The following TGS1 variants were observed in gnomAD, a reference collection of about 807,000 sequenced individuals.
TGS1 encodes the protein trimethylguanosine synthase 1.
A neutral mutation model predicts 92.2 loss-of-function variants in TGS1; 69 were observed. The ratio of observed to expected loss-of-function variants is 0.75; its 90% CI spans 0.62 to 0.91. The LOEUF (loss-of-function observed/expected upper bound fraction) is 0.91, where lower values mean the gene tolerates loss of function less well. Among genes scored for constraint, TGS1 ranks in the 40% least tolerant of loss-of-function variants. The pLI is 0.00. For synonymous variants in TGS1, 345 were observed against 338.1 expected, an observed-to-expected ratio of 1.02 and a Z score of -0.22; for missense variants, 1,062 against 1,001.2, an observed-to-expected ratio of 1.06 and a Z score of -0.82.
intron 2 of TGS1, among the ~76,000 whole-genome samples, chr8:55,783,813 G>A (rs1479722676): frequency 1.3e-5 from 2 of 152,212 alleles, no homozygotes; most frequent in Non-Finnish European, 2.9e-5. Context: ...TCACTGGATG[G>A]AATGTTTGGT....
Position 55,786,453 on chromosome 8 carries a change from A to C in TGS1, c.555A>C (p.Glu185Asp). ...CTGAGACAGAAAATCCTCCAGTTGA[A>C]AACACATTATCTCCAAAGCTAGAAA... Reference protein sequence around the residue: ...KDTETENPPVENTLSPKLEIT... With the variant: ...KDTETENPPVDNTLSPKLEIT... The change falls in exon 4 of 13, where the codon GAA (glutamate) becomes GAC (aspartate). Residue 185 changes from glutamate to aspartate, a missense_variant. Transcript: ENST00000260129. 2 of 1,614,010 alleles carry C rather than the reference A, an allele frequency of 1.2e-6. No homozygotes were observed. Among genetic ancestry groups the C allele is most frequent in the South Asian group, 2.2e-5 (2 of 91,016 alleles).
chr8:55,784,875 CT>C (rs1811663839), intron 2 of TGS1, among the ~76,000 whole-genome samples: 1 of 152,186 alleles, frequency 6.6e-6, no homozygotes, highest in Non-Finnish European at 1.5e-5. Flanking sequence ...CCTGTTCTGT[CT>C]TCCTTCCATC....
At chr8:55,775,571 T>G (rs1811373047) in intron 1 of TGS1, among the ~76,000 whole-genome samples, 1 of 152,076 alleles carries the variant, frequency 6.6e-6, no homozygotes, top group Non-Finnish European at 1.5e-5. Flanking sequence ...TATTGCTGCC[T>G]TTCACTGAGG....
At position 55,803,130 on chromosome 8, in the gene TGS1, G is replaced by GGTGT. The variant is rs1554562881; in HGVS notation, c.1999+541_1999+544dup. ...TATAGGATGCCCTTCAATTTGGGGG[G>GGTGT]GTGTGTGTGTGTGTGTGTGTATTTT... On this transcript the variant is annotated intron_variant, in intron 9 of 12. Transcript: ENST00000260129. Among the ~76,000 whole-genome samples, 72 of 143,676 alleles carry GGTGT rather than the reference G, an allele frequency of 5.0e-4. 1 individual carries two copies. The East Asian group carries it at 7.5e-3, about 15-fold the overall frequency. The allele number at this position is 143,676 out of a possible 152,430, so 94.3% of individuals were successfully genotyped here.
At chr8:55,813,160 C>A (rs185093563) in intron 12 of TGS1, 42 bp downstream of exon 12, 67,767 of 1,372,712 alleles carry the variant, frequency 0.049, 1,891 homozygotes, top group East Asian at 0.096. Flanking sequence ...TCTGTCTTAA[C>A]TGTTACAAGT....
rs1170040871 is a variant in TGS1 at position 55,786,348 on chromosome 8, C to T, written c.450C>T (p.Asp150=). 6.2e-7 allele frequency: 1 copy of T among 1,612,702 alleles called. No homozygotes were observed. The highest frequency in any genetic ancestry group is 8.5e-7 in the Non-Finnish European group (1 of 1,179,346). The change falls in exon 4 of 13, where the codon GAC becomes GAT. Residue 150 remains aspartate (D), a synonymous_variant. Coordinates refer to ENST00000260129, the MANE Select transcript of TGS1 (RefSeq NM_024831.8). ...GGAGAAAAGAATATGAAGAAGACGACATTTTGGCTTCAGATGATCCATCTT... is the reference window on the plus strand; with the variant it reads ...GGAGAAAAGAATATGAAGAAGACGATATTTTGGCTTCAGATGATCCATCTT... ...ESWRKEYEED[D]ILASDDPSSI... is the part of the protein sequence containing the mutation.
At chr8:55,811,248 A>G in intron 11 of TGS1, 151 bp downstream of exon 11, 1 of 663,674 alleles carries the variant, frequency 1.5e-6, no homozygotes, top group South Asian at 2.0e-5. Flanking sequence ...GGATCACCTG[A>G]GGTCAGGAGT....
Position 55,799,091 on chromosome 8 carries a change from CAG to C in TGS1, c.1723_1724del (p.Ser575ArgfsTer6). 1 of 1,614,146 alleles carries C rather than the reference CAG, an allele frequency of 6.2e-7. No individual in the cohort carries two copies. The highest frequency in any genetic ancestry group is 8.5e-7 in the Non-Finnish European group (1 of 1,180,024). On this transcript the variant is annotated frameshift_variant, in exon 8 of 13. Coordinates refer to ENST00000260129, the MANE Select transcript of TGS1 (RefSeq NM_024831.8). LOFTEE classifies it high-confidence loss of function. Reference protein sequence around the residue: ...ETNNPEPEKCQSVSSAGELET... With the variant: ...ETNNPEPEKCXSVSSAGELET... ...TAATAATCCAGAACCTGAAAAGTGT[CAG>C]AGCGTATCTTCAGCTGGTGAACTTG...
chr8:55,779,708 T>A (rs1811506761), intron 1 of TGS1, among the ~76,000 whole-genome samples: 1 of 152,100 alleles, frequency 6.6e-6, no homozygotes, highest in African/African-American at 2.4e-5. Flanking sequence ...TTGAGAAGAT[T>A]TCTCAACTCA....
chr8:55,826,082 C>G lies in TGS1; in HGVS notation c.*1379C>G, dbSNP rs999093328. On this transcript the variant is annotated 3_prime_UTR_variant, in exon 13 of 13. Transcript: ENST00000260129. ...AGCCAGGATGGTCTCGATCTCCTGA[C>G]CTTGTGATCCAACCACCTCAGCCTC... Among the ~76,000 whole-genome samples, 2 of 152,004 alleles carry G rather than the reference C, an allele frequency of 1.3e-5. No homozygotes were observed. The highest frequency in any genetic ancestry group is 4.8e-5 in the African/African-American group (2 of 41,364).
intron 6 of TGS1, among the ~76,000 whole-genome samples, chr8:55,794,868 T>A (rs1811996017): frequency 6.6e-6 from 1 of 152,198 alleles, no homozygotes; most frequent in Non-Finnish European, 1.5e-5. Flanking sequence ...TACTTATCTG[T>A]TTCATAAGTT....
intron 10 of TGS1, among the ~76,000 whole-genome samples, chr8:55,805,364 A>G (rs1180266094): frequency 6.6e-6 from 1 of 152,190 alleles, no homozygotes; most frequent in African/African-American, 2.4e-5. Flanking sequence ...TGTAACCTAG[A>G]TACATCGAAA....
chr8:55,792,558 G>T (rs1356437041), intron 5 of TGS1, 140 bp from the exon 6 acceptor site: 15 of 572,934 alleles, frequency 2.6e-5, no homozygotes, highest in Non-Finnish European at 2.8e-5. Context: ...TTTTTTCCTG[G>T]TTTCCTGGAT....
Position 55,811,087 on chromosome 8 carries a change from T to C in TGS1, c.2350T>C (p.Ser784Pro), listed in dbSNP as rs1316944903. ...GACCTTTGACATTAGAACAATGATG[T>C]CTCCTGATGGATATCCTTTGGAAGT... The part of the protein sequence containing the change: ...AETFDIRTMM[S>P]PDGFEIFRLS... Residue 784 changes from serine to proline, a missense_variant, in exon 11 of 13, where the codon TCT (serine) becomes CCT (proline). Coordinates refer to ENST00000260129, the MANE Select transcript of TGS1 (RefSeq NM_024831.8). The C allele has an allele frequency of 3.4e-5, 55 of 1,608,328 alleles. No homozygotes were observed. The highest frequency in any genetic ancestry group is 4.6e-5 in the Non-Finnish European group (54 of 1,176,790).
In TGS1 at chr8:55,798,990, T is replaced by C. The variant is rs760903374; in HGVS notation, c.1619T>C (p.Val540Ala). 1.9e-5 allele frequency: 30 copies of C among 1,614,188 alleles called. No homozygotes were observed. Among genetic ancestry groups the C allele is most frequent in the Non-Finnish European group, 2.4e-5 (28 of 1,180,030 alleles). Residue 540 changes from valine to alanine, a missense_variant, in exon 8 of 13, where the codon GTG becomes GCG. Transcript: ENST00000260129. ...CAGGAATCATCTTCTCATGACAATGTGCACGACGCTTCCACAAGTAGTGAT... is the reference window on the plus strand; with the variant it reads ...CAGGAATCATCTTCTCATGACAATGCGCACGACGCTTCCACAAGTAGTGAT... ...ASQESSSHDN[V>A]HDASTSSDSE...
chr8:55,794,779 C>CTGCTAAAGACAGCT (rs1253908400), intron 6 of TGS1, among the ~76,000 whole-genome samples: 1 of 152,116 alleles, frequency 6.6e-6, no homozygotes, highest in Non-Finnish European at 1.5e-5. Flanking sequence ...TAGGTAAAGC[C>CTGCTAAAGACAGCT]TGCTAAAGAC....
chr8:55,819,180 T>C (rs1585796506), intron 12 of TGS1, among the ~76,000 whole-genome samples: 1 of 152,078 alleles, frequency 6.6e-6, no homozygotes, highest in East Asian at 1.9e-4. Context: ...AAGCAATCTT[T>C]CTACTTCAGC....
intron 10 of TGS1, among the ~76,000 whole-genome samples, chr8:55,805,628 G>A (rs1184906956): frequency 1.3e-5 from 2 of 152,124 alleles, no homozygotes; most frequent in South Asian, 2.1e-4. Flanking sequence ...GCTTACCCCT[G>A]TAATCCCGGC....
rs570824937 is a variant in TGS1, at chr8:55,825,812, CATTA to C, written c.*1113_*1116del. Among the ~76,000 whole-genome samples the C allele has an allele frequency of 1.1e-4, 16 of 151,964 alleles. No homozygotes were observed. In the South Asian group the frequency reaches 3.1e-3, roughly 30 times the overall value. On this transcript the variant is annotated 3_prime_UTR_variant, in exon 13 of 13. Coordinates refer to ENST00000260129, the MANE Select transcript of TGS1 (RefSeq NM_024831.8). ...ATCAATAAAGGTGAAATTACTTTTT[CATTA>C]ATTCGCAATTTCAAAATCTGTCCAA...
Sources: gnomAD v4.1 joint callset for allele counts (sites outside exome capture counted in the v4.1 genomes callset) on GRCh38, gnomAD v4.1.1 for gene constraint, MANE v1.5 for transcripts, NCBI Gene and HGNC (gene_info 2026-07-23, HGNC 2026-07-21) for gene names.